Variants in NAV3 observed in about 807,000 individuals in gnomAD.
NAV3 encodes pore membrane and/or filament interacting like protein 1.
A neutral mutation model predicts 244.7 loss-of-function variants in NAV3; 87 were observed. The observed-to-expected ratio is 0.36, with a 90% CI of 0.30 to 0.42. NAV3 has a LOEUF of 0.42. NAV3 is among the 20% of genes least tolerant of loss of function. The pLI is 1.00. For missense variants in NAV3, 2,663 were observed against 2,893.3 expected (o/e 0.92, Z 1.83); for synonymous variants, 1,126 against 1,042.2 (o/e 1.08, Z -1.55).
At chr12:77,851,121 A>G (rs946739532) in intron 1 of NAV3, among the ~76,000 whole-genome samples, 2 of 152,144 alleles carry the variant, frequency 1.3e-5, no homozygotes, top group Non-Finnish European at 2.9e-5. Context: ...CTGCATTCTG[A>G]TCCCCCCAGC....
chr12:77,583,408 C>T (rs190059919), intron 2 of NAV3, among the ~76,000 whole-genome samples: 30 of 152,216 alleles, frequency 2.0e-4, no homozygotes, highest in African/African-American at 7.0e-4. Context: ...CTTGTATGTA[C>T]ATGTTATTTT....
At chr12:77,628,902 CAAA>C (rs200250331) in intron 2 of NAV3, among the ~76,000 whole-genome samples, 7 of 86,602 alleles carry the variant, frequency 8.1e-5, no homozygotes, top group South Asian at 3.6e-4. Context: ...ACCCTGTCTC[CAAA>C]AAAAAAAAAA....
chr12:77,784,723 T>A (rs1870825743), intron 2 of NAV3, among the ~76,000 whole-genome samples: 1 of 152,100 alleles, frequency 6.6e-6, no homozygotes, highest in Non-Finnish European at 1.5e-5. Flanking sequence ...ATATAAGTAT[T>A]AGAAGTGAGG....
At chr12:77,902,800 G>T (rs1039598177) in intron 1 of NAV3, among the ~76,000 whole-genome samples, 13 of 152,226 alleles carry the variant, frequency 8.5e-5, no homozygotes, top group African/African-American at 2.6e-4. Flanking sequence ...CAAAATCTCA[G>T]GATACAAAAT....
At chr12:78,096,525 G>A (rs975145779) in intron 12 of NAV3, among the ~76,000 whole-genome samples, 3 of 152,210 alleles carry the variant, frequency 2.0e-5, no homozygotes, top group Admixed American at 1.3e-4. Flanking sequence ...CACATGGCTG[G>A]GGAGGCCTCA....
Position 77,873,191 on chromosome 12 carries a change from G to A in NAV3, c.243+41487G>A, listed in dbSNP as rs150441365. Reference sequence around the variant, plus strand: ...GCCTCTCCAGCCATGTGGAACTTGAGTCCCTTATACTTCTTTTTCTAAATA... The same window carrying A: ...GCCTCTCCAGCCATGTGGAACTTGAATCCCTTATACTTCTTTTTCTAAATA... On this transcript the variant is annotated intron_variant, in intron 1 of 39. Coordinates refer to ENST00000397909, the MANE Select transcript of NAV3 (RefSeq NM_001024383.2). Among the ~76,000 whole-genome samples, 478 of 152,260 alleles carry A rather than the reference G, an allele frequency of 3.1e-3. 3 individuals are homozygous for A. Among genetic ancestry groups the A allele is most frequent in the African/African-American group, 0.011 (437 of 41,560 alleles).
intron 2 of NAV3, among the ~76,000 whole-genome samples, chr12:77,687,143 A>G (rs542215924): frequency 1.3e-5 from 2 of 152,072 alleles, no homozygotes; most frequent in Non-Finnish European, 2.9e-5. Context: ...TCCCTGGTCT[A>G]TCTAGTTTAC....
chr12:77,907,097 C>T (rs1442733622), intron 1 of NAV3, among the ~76,000 whole-genome samples: 2 of 152,144 alleles, frequency 1.3e-5, no homozygotes, highest in African/African-American at 4.8e-5. Context: ...TCAAATCTGA[C>T]ATCCTTTGTC....
chr12:78,173,824 T>A (rs1379057266), intron 24 of NAV3, among the ~76,000 whole-genome samples: 1 of 151,554 alleles, frequency 6.6e-6, no homozygotes, highest in Non-Finnish European at 1.5e-5. Flanking sequence ...AGGGACTTAT[T>A]GATATATATG....
In NAV3 at chr12:78,100,063, G is replaced by C. The variant is rs374702095; in HGVS notation, c.2637-16709G>C. ...AAAAGGTCAGTGTATAAAGTTTATTGGTTGTTCTCTTTACTCAAAACCCAC... is the reference window on the plus strand; with the variant it reads ...AAAAGGTCAGTGTATAAAGTTTATTCGTTGTTCTCTTTACTCAAAACCCAC... On this transcript the variant is annotated intron_variant, in intron 12 of 39. Coordinates refer to ENST00000397909, the MANE Select transcript of NAV3 (RefSeq NM_001024383.2). 4.4e-3 allele frequency among the ~76,000 whole-genome samples: 673 copies of C among 151,912 alleles called. 6 individuals carry two copies. Among genetic ancestry groups the C allele is most frequent in the African/African-American group, 0.014 (571 of 41,516 alleles).
chr12:78,168,644 T>G, intron 23 of NAV3, 111 bp from the exon 24 acceptor site: 1 of 625,372 alleles, frequency 1.6e-6, no homozygotes. Flanking sequence ...CATCCAAATC[T>G]TCCAGGAGGT....
At chr12:77,659,495 CTT>C (rs1873320023) in intron 2 of NAV3, among the ~76,000 whole-genome samples, 1 of 152,142 alleles carries the variant, frequency 6.6e-6, no homozygotes, top group Non-Finnish European at 1.5e-5. Context: ...AATAGGAACA[CTT>C]TTACACTGTT....
chr12:78,196,611 A>T (rs892822686), intron 34 of NAV3, among the ~76,000 whole-genome samples: 8 of 152,036 alleles, frequency 5.3e-5, no homozygotes, highest in Non-Finnish European at 1.2e-4. Context: ...TTAGACAGGA[A>T]TAATACCTGT....
rs1871569842 is a variant in NAV3, at chr12:77,625,324, A to T, written c.72+53058A>T. Among the ~76,000 whole-genome samples the T allele has an allele frequency of 1.3e-5, 2 of 152,158 alleles. 1 individual carries two copies. The highest frequency in any genetic ancestry group is 2.9e-5 in the Non-Finnish European group (2 of 68,030). ...TCTAGGAGTACTTTATGAACCCTGA[A>T]TATGAACCATATGCATTTAATAACT... On this transcript the variant is annotated intron_variant, in intron 2 of 8. Transcript: ENST00000550042.
At chr12:78,177,090 A>G in intron 26 of NAV3, 51 bp from the exon 27 acceptor site, 1 of 1,606,226 alleles carries the variant, frequency 6.2e-7, no homozygotes, top group African/African-American at 1.3e-5. Context: ...CCAAAGCAAA[A>G]GCTCTCCAAG....
At chr12:77,711,353 T>G (rs944731271) in intron 2 of NAV3, among the ~76,000 whole-genome samples, 2 of 152,238 alleles carry the variant, frequency 1.3e-5, no homozygotes, top group African/African-American at 4.8e-5. Flanking sequence ...TGTGCATCTC[T>G]AGTCCCATAG....
At chr12:78,005,738 T>C (rs1342739544) in intron 7 of NAV3, among the ~76,000 whole-genome samples, 1 of 152,208 alleles carries the variant, frequency 6.6e-6, no homozygotes, top group Non-Finnish European at 1.5e-5. Context: ...GAATGAAGCT[T>C]ACTAAGCTCT....
chr12:77,573,122 A>G (rs985463194), intron 2 of NAV3, among the ~76,000 whole-genome samples: 2 of 152,134 alleles, frequency 1.3e-5, no homozygotes, highest in East Asian at 3.9e-4. Flanking sequence ...AATGGGAGAA[A>G]AGGAAGGAAA....
At chr12:77,585,290 C>CATT (rs1006970987) in intron 2 of NAV3, among the ~76,000 whole-genome samples, 12 of 152,294 alleles carry the variant, frequency 7.9e-5, no homozygotes, top group African/African-American at 2.9e-4. Context: ...AGAGATCCTG[C>CATT]ATTAGACCTG....
Sources: gnomAD v4.1 joint callset for allele counts (sites outside exome capture counted in the v4.1 genomes callset) on GRCh38, gnomAD v4.1.1 for gene constraint, MANE v1.5 for transcripts, NCBI Gene and HGNC (gene_info 2026-07-23, HGNC 2026-07-21) for gene names.